Variants in CCDC112 observed in about 807,000 individuals in gnomAD.
CCDC112 encodes the protein coiled-coil domain containing 112, also known as coiled-coil domain-containing protein 112.
In CCDC112, 40 loss-of-function variants were observed where a neutral mutation model predicts 66.3. The ratio of observed to expected loss-of-function variants is 0.60; its 90% CI spans 0.47 to 0.79. The LOEUF (loss-of-function observed/expected upper bound fraction) is 0.79, where lower values mean the gene tolerates loss of function less well. Ranked by LOEUF, CCDC112 falls within the 30% of genes least tolerant of loss-of-function variation. The pLI is 0.00. For synonymous variants in CCDC112, 214 were observed against 197.2 expected (o/e 1.09, Z -0.71); for missense variants, 659 against 603.8 (o/e 1.09, Z -0.96).
At chr5:115,276,399 A>C (rs1403226064) in intron 4 of CCDC112, among the ~76,000 whole-genome samples, 4 of 152,132 alleles carry the variant, frequency 2.6e-5, no homozygotes, top group Non-Finnish European at 5.9e-5. Context: ...AAGTCCATAC[A>C]CCCTGAGACC....
In CCDC112 at chr5:115,296,481, T is replaced by C; in HGVS notation, c.63A>G (p.Ala21=). 1 of 1,567,286 alleles carries C rather than the reference T, an allele frequency of 6.4e-7. No individual in the cohort carries two copies. The highest frequency in any genetic ancestry group is 8.6e-7 in the Non-Finnish European group (1 of 1,163,302). ...CGGTCCCGGTGGCCGCGCCCGCCCC[T>C]GCCACAGCCCCGGCTACCGCGGTGG... ...AAATAVAGAV[A]GAGAATGTGV... Residue 21 remains alanine, a synonymous_variant, in exon 1 of 10, where the codon GCA becomes GCG. Coordinates refer to ENST00000379611, the MANE Select transcript of CCDC112 (RefSeq NM_001040440.3).
intron 6 of CCDC112, among the ~76,000 whole-genome samples, chr5:115,273,528 G>A (rs1240616456): frequency 6.6e-6 from 1 of 152,048 alleles, no homozygotes; most frequent in African/African-American, 2.4e-5. Context: ...TCACCCCTAT[G>A]TCCTGCTCAT....
Position 115,275,110 on chromosome 5 carries a change from A to T in CCDC112, c.918+106T>A, listed in dbSNP as rs1749148514. The T allele has an allele frequency of 9.2e-6, 8 of 868,032 alleles. No individual in the cohort carries two copies. In the South Asian group the frequency reaches 1.3e-4, roughly 15 times the overall value. 53.8% of individuals were successfully genotyped at this position (868,032 alleles called of 1,614,324 possible). A position where few individuals can be genotyped will look rare whatever the true frequency, so the allele number is the denominator to read the frequency against. ...GATTGTCGGGGGCGGGGAACTATAA[A>T]CACACTTCATGGGATTGCTGTAAAG... On this transcript the variant is annotated intron_variant, in intron 6 of 9. Transcript: ENST00000379611.
Position 115,281,934 on chromosome 5 carries a change from A to G in CCDC112, c.240-2166T>C, listed in dbSNP as rs79182940. Among the ~76,000 whole-genome samples the G allele has an allele frequency of 3.9e-3, 596 of 152,332 alleles. 3 individuals are homozygous for G. The highest frequency in any genetic ancestry group is 0.014 in the African/African-American group (577 of 41,576). On this transcript the variant is annotated intron_variant, in intron 2 of 9. Transcript: ENST00000379611. ...GTGGAACTGTTGTCTACGGAGGGCA[A>G]TTTAGCAATATTTATCACATTTGTA...
chr5:115,296,184 C>A, intron 1 of CCDC112: 7 of 1,267,400 alleles, frequency 5.5e-6, no homozygotes, highest in Non-Finnish European at 7.0e-6. Flanking sequence ...TATCACGCGG[C>A]TAGGAAGCGG....
chr5:115,292,495 T>A (rs768434594), intron 1 of CCDC112, among the ~76,000 whole-genome samples: 60 of 152,220 alleles, frequency 3.9e-4, no homozygotes, highest in Admixed American at 9.8e-4. Flanking sequence ...TAGCCAGTAT[T>A]CCTCAGAGAC....
At position 115,292,149 on chromosome 5, in the gene CCDC112, G is replaced by A. The variant is rs77746975; in HGVS notation, c.117+4278C>T. ...TTATGCACATGGTAGTATGCCTAACGGTATCTCACAGATCTCAGACTCTGT... is the reference window on the plus strand; with the variant it reads ...TTATGCACATGGTAGTATGCCTAACAGTATCTCACAGATCTCAGACTCTGT... On this transcript the variant is annotated intron_variant, in intron 1 of 9. Coordinates refer to ENST00000379611, the MANE Select transcript of CCDC112 (RefSeq NM_001040440.3). 1.5e-3 allele frequency among the ~76,000 whole-genome samples: 225 copies of A among 151,972 alleles called. 1 individual carries two copies. Among genetic ancestry groups the A allele is most frequent in the African/African-American group, 5.0e-3 (207 of 41,432 alleles).
chr5:115,277,153 A>G (rs531418233), intron 3 of CCDC112, 99 bp from the exon 4 acceptor site: 6 of 662,110 alleles, frequency 9.1e-6, no homozygotes, highest in East Asian at 2.6e-5. Context: ...GTAAAAGCCA[A>G]GAGCAATTAA....
At position 115,271,645 on chromosome 5, in the gene CCDC112, AAAAG is replaced by A; in HGVS notation, c.919-23_919-20del. On this transcript the variant is annotated intron_variant, in intron 6 of 9. Coordinates refer to ENST00000379611, the MANE Select transcript of CCDC112 (RefSeq NM_001040440.3). The stretch of plus-strand genomic sequence containing the variant: ...GAATTGACTAAATGATTTTTTTAAA[AAAAG>A]AAAGCAAGAGAAAAAAGTTTTTTAA... 6.8e-7 allele frequency: 1 copy of A among 1,465,934 alleles called. No homozygotes were observed. The highest frequency in any genetic ancestry group is 1.5e-5 in the South Asian group (1 of 65,894). The allele number at this position is 1,465,934 out of a possible 1,614,324, so 90.8% of individuals were successfully genotyped here.
intron 1 of CCDC112, among the ~76,000 whole-genome samples, chr5:115,294,298 G>A (rs1285732061): frequency 6.6e-6 from 1 of 152,150 alleles, no homozygotes; most frequent in Non-Finnish European, 1.5e-5. Context: ...ATCTGGAGAT[G>A]GGGTCTTTAT....
chr5:115,268,570 CTACTTT>C (rs1748858606), intron 9 of CCDC112, among the ~76,000 whole-genome samples: 1 of 151,180 alleles, frequency 6.6e-6, no homozygotes, highest in Non-Finnish European at 1.5e-5. Flanking sequence ...TGCACCCGAC[CTACTTT>C]TACTTTTATC....
intron 2 of CCDC112, among the ~76,000 whole-genome samples, chr5:115,281,529 G>A (rs1319982972): frequency 1.3e-5 from 2 of 152,194 alleles, no homozygotes; most frequent in African/African-American, 4.8e-5. Flanking sequence ...CTAATGGACT[G>A]AGTCCTGTGT....
At chr5:115,274,785 G>C (rs1749134871) in intron 6 of CCDC112, among the ~76,000 whole-genome samples, 1 of 152,146 alleles carries the variant, frequency 6.6e-6, no homozygotes, top group African/African-American at 2.4e-5. Context: ...GTCTCGCTCA[G>C]GCTAGAGTGC....
At position 115,271,337 on chromosome 5, in the gene CCDC112, C is replaced by T. The variant is rs1391726969; in HGVS notation, c.1208G>A (p.Ser403Asn). 6.2e-7 allele frequency: 1 copy of T among 1,613,118 alleles called. No homozygotes were observed. Among genetic ancestry groups the T allele is most frequent in the Admixed American group, 1.7e-5 (1 of 59,882 alleles). The part of the protein sequence containing the change: ...RQFKLKLLLE[S>N]YTQQKKEQEE... ...CTGTTCTTTCTTCTGCTGGGTATAA[C>T]TTTCTAGTAGTAATTTTAACTTAAA... The change falls in exon 7 of 10, where the codon AGT (serine) becomes AAT (asparagine). Residue 403 changes from serine (S) to asparagine (N), a missense_variant. Transcript: ENST00000379611.
At position 115,273,593 on chromosome 5, in the gene CCDC112, G is replaced by A. The variant is rs957062791; in HGVS notation, c.918+1623C>T. On this transcript the variant is annotated intron_variant, in intron 6 of 9. Coordinates refer to ENST00000379611, the MANE Select transcript of CCDC112 (RefSeq NM_001040440.3). Reference sequence around the variant, plus strand: ...TCAAATATCAGGAAATAGAGCAGATGGGAACAAGGAAAATAAGCTAGAATC... The same window carrying A: ...TCAAATATCAGGAAATAGAGCAGATAGGAACAAGGAAAATAAGCTAGAATC... Among the ~76,000 whole-genome samples, 5 of 152,272 alleles carry A rather than the reference G, an allele frequency of 3.3e-5. 1 individual carries two copies. The highest frequency in any genetic ancestry group is 6.8e-3 in the Middle Eastern group (2 of 294).
At chr5:115,282,656 C>A (rs887943542) in intron 2 of CCDC112, among the ~76,000 whole-genome samples, 7 of 151,924 alleles carry the variant, frequency 4.6e-5, no homozygotes, top group Non-Finnish European at 1.0e-4. Flanking sequence ...ATATATATTT[C>A]TTTATAAACA....
chr5:115,279,512 A>C (rs1749355801), intron 3 of CCDC112, 135 bp downstream of exon 3: 2 of 883,154 alleles, frequency 2.3e-6, no homozygotes, highest in South Asian at 1.5e-5. Context: ...AATACAGAGA[A>C]TATAACACAG....
chr5:115,272,581 AT>A (rs1217242138), intron 6 of CCDC112, among the ~76,000 whole-genome samples: 2 of 152,226 alleles, frequency 1.3e-5, no homozygotes, highest in Non-Finnish European at 2.9e-5. Context: ...AAATAAATAA[AT>A]AAAACAGCTC....
chr5:115,276,933 T>C (rs1481355434), intron 4 of CCDC112, 32 bp downstream of exon 4: 2 of 1,375,660 alleles, frequency 1.5e-6, no homozygotes, highest in Non-Finnish European at 2.1e-6. Context: ...TACTAACACA[T>C]AAGAAAGATT....
Sources: gnomAD v4.1 joint callset for allele counts (sites outside exome capture counted in the v4.1 genomes callset) on GRCh38, gnomAD v4.1.1 for gene constraint, MANE v1.5 for transcripts, NCBI Gene and HGNC (gene_info 2026-07-23, HGNC 2026-07-21) for gene names.